Variants in FGF18 observed in about 807,000 individuals in gnomAD.
FGF18 encodes the protein fibroblast growth factor 18.
FGF18 carries 5 observed loss-of-function variants against 23.0 expected under a neutral mutation model. The ratio of observed to expected loss-of-function variants is 0.22; its 90% CI spans 0.11 to 0.46. FGF18 has a LOEUF of 0.46. Among genes scored for constraint, FGF18 ranks in the 20% least tolerant of loss-of-function variants. The pLI is 0.99. For missense variants in FGF18, 180 were observed against 291.6 expected (o/e 0.62, Z 2.79); for synonymous variants, 117 against 118.9 (o/e 0.98, Z 0.10).
intron 1 of FGF18, 24 bp from the exon 2 acceptor site, chr5:171,420,383 C>T (rs778042764): frequency 6.2e-7 from 1 of 1,613,242 alleles, no homozygotes; most frequent in Non-Finnish European, 8.5e-7. Flanking sequence ...TCCCACTGAC[C>T]GCTTCTCCAT....
At chr5:171,446,223 G>A (rs1049243544) in intron 3 of FGF18, among the ~76,000 whole-genome samples, 1 of 152,178 alleles carries the variant, frequency 6.6e-6, no homozygotes, top group Non-Finnish European at 1.5e-5. Context: ...ATGCTGGGGT[G>A]GGGGTGGCTA....
intron 3 of FGF18, among the ~76,000 whole-genome samples, chr5:171,442,341 T>C (rs1237327836): frequency 2.0e-5 from 3 of 152,016 alleles, no homozygotes; most frequent in African/African-American, 7.3e-5. Context: ...CACCTCTCTC[T>C]CCCCCTCTCA....
In FGF18 at chr5:171,443,501, A is replaced by AT. The variant is rs59576538; in HGVS notation, c.251-5615dup. On this transcript the variant is annotated intron_variant, in intron 3 of 4. Transcript: ENST00000274625. ...CAGATAAGTATTCACTGTTATCATC[A>AT]TTTTTTTTTTTTTTTTTTTTTTTTT... Among the ~76,000 whole-genome samples, 57 of 63,772 alleles carry AT rather than the reference A, an allele frequency of 8.9e-4. 5 individuals are homozygous for AT. Among genetic ancestry groups the AT allele is most frequent in the African/African-American group, 3.4e-3 (55 of 16,024 alleles). 41.8% of individuals were successfully genotyped at this position (63,772 alleles called of 152,430 possible).
At chr5:171,447,584 C>T (rs889053748) in intron 3 of FGF18, among the ~76,000 whole-genome samples, 1 of 151,940 alleles carries the variant, frequency 6.6e-6, no homozygotes, top group East Asian at 1.9e-4. Context: ...TCTTTTTTTC[C>T]CTCTTGGAAA....
chr5:171,433,944 A>G (rs1386106340), intron 2 of FGF18, among the ~76,000 whole-genome samples: 1 of 152,210 alleles, frequency 6.6e-6, no homozygotes, highest in African/African-American at 2.4e-5. Context: ...ATATTGCTTT[A>G]TATGTTTAAC....
intron 4 of FGF18, among the ~76,000 whole-genome samples, chr5:171,455,864 G>A (rs1239432685): frequency 6.6e-6 from 1 of 152,174 alleles, no homozygotes; most frequent in East Asian, 1.9e-4. Flanking sequence ...TGGGCTATCT[G>A]GGTGGAGAGT....
chr5:171,425,687 T>A (rs932327514), intron 2 of FGF18, among the ~76,000 whole-genome samples: 2 of 152,060 alleles, frequency 1.3e-5, no homozygotes, highest in Non-Finnish European at 2.9e-5. Flanking sequence ...CGAGCCACCA[T>A]GCCCGGCTAA....
intron 2 of FGF18, among the ~76,000 whole-genome samples, chr5:171,427,958 C>T (rs1210791461): frequency 6.6e-6 from 1 of 152,170 alleles, no homozygotes; most frequent in South Asian, 2.1e-4. Context: ...CTCTCTGTGG[C>T]TTATCATTCC....
chr5:171,433,297 G>T (rs955389499), intron 2 of FGF18, among the ~76,000 whole-genome samples: 1 of 152,226 alleles, frequency 6.6e-6, no homozygotes, highest in Non-Finnish European at 1.5e-5. Context: ...TTAATGGGAG[G>T]CCGGCTTCTG....
intron 2 of FGF18, among the ~76,000 whole-genome samples, chr5:171,422,231 C>T (rs1772021059): frequency 6.6e-6 from 1 of 152,034 alleles, no homozygotes; most frequent in African/African-American, 2.4e-5. Flanking sequence ...CCTCCACCTC[C>T]TGGCCAGAGC....
chr5:171,453,137 G>A (rs1047722192), intron 4 of FGF18, among the ~76,000 whole-genome samples: 1 of 152,196 alleles, frequency 6.6e-6, no homozygotes, highest in African/African-American at 2.4e-5. Context: ...GTTTCCGGGG[G>A]TCGGGCCCAA....
chr5:171,449,245 G>C lies in FGF18; in HGVS notation c.349G>C (p.Val117Leu). The change falls in exon 4 of 5, where the codon GTG becomes CTG. Residue 117 changes from valine to leucine, a missense_variant. Coordinates refer to ENST00000274625, the MANE Select transcript of FGF18 (RefSeq NM_003862.3). Reference protein sequence around the residue: ...YLCMNRKGKLVGKPDGTSKEC... With the variant: ...YLCMNRKGKLLGKPDGTSKEC... ...GTGCATGAACCGCAAAGGCAAGCTCGTGGGGAAGGTGAGTGATGGTTTGGG... is the reference window on the plus strand; with the variant it reads ...GTGCATGAACCGCAAAGGCAAGCTCCTGGGGAAGGTGAGTGATGGTTTGGG... The C allele has an allele frequency of 6.2e-7, 1 of 1,613,112 alleles. No homozygotes were observed. Among genetic ancestry groups the C allele is most frequent in the Non-Finnish European group, 8.5e-7 (1 of 1,179,082 alleles).
intron 2 of FGF18, among the ~76,000 whole-genome samples, chr5:171,433,905 T>C (rs1394426532): frequency 6.6e-6 from 1 of 152,240 alleles, no homozygotes; most frequent in Non-Finnish European, 1.5e-5. Context: ...TTACCCCTAC[T>C]GAGCCAGGCA....
intron 2 of FGF18, among the ~76,000 whole-genome samples, chr5:171,421,876 A>T (rs1311235978): frequency 1.4e-5 from 1 of 71,842 alleles, no homozygotes; most frequent in Admixed American, 2.1e-4. Flanking sequence ...CTGTGTGGTG[A>T]TGGGGGTGGG....
chr5:171,420,554 G>A, intron 2 of FGF18, 111 bp downstream of exon 2: 1 of 1,054,226 alleles, frequency 9.5e-7, no homozygotes, highest in Non-Finnish European at 1.4e-6. Context: ...TGGGCGCTGA[G>A]CCCAGTGCAC....
At chr5:171,447,451 G>A (rs557185880) in intron 3 of FGF18, among the ~76,000 whole-genome samples, 6 of 152,364 alleles carry the variant, frequency 3.9e-5, no homozygotes, top group Non-Finnish European at 7.3e-5. Context: ...CCATCTCAGC[G>A]TTGGTTAATA....
chr5:171,441,275 G>T (rs1447805983), intron 3 of FGF18, among the ~76,000 whole-genome samples: 1 of 152,190 alleles, frequency 6.6e-6, no homozygotes, highest in Non-Finnish European at 1.5e-5. Flanking sequence ...CCCAAAATGT[G>T]AGCATGTTCC....
chr5:171,456,083 G>T lies in FGF18; in HGVS notation c.358-456G>T, dbSNP rs147701998. ...TCCTCCTAACAAAGAGTCTTCACTC[G>T]GCCAAACTAGAGTCAGGCTCCTGAA... On this transcript the variant is annotated intron_variant, in intron 4 of 4. Transcript: ENST00000274625. The surrounding 1 kb of genome is among the most constrained non-coding windows in gnomAD (Gnocchi z 6.1). Among the ~76,000 whole-genome samples, 243 of 152,132 alleles carry T rather than the reference G, an allele frequency of 1.6e-3. No homozygotes were observed. The highest frequency in any genetic ancestry group is 5.6e-3 in the African/African-American group (231 of 41,474).
chr5:171,433,498 G>A (rs1772208419), intron 2 of FGF18, among the ~76,000 whole-genome samples: 1 of 152,184 alleles, frequency 6.6e-6, no homozygotes, highest in Admixed American at 6.5e-5. Flanking sequence ...TGGGTGGGGA[G>A]TCTTCCGGAC....
Sources: allele counts gnomAD v4.1 joint callset (sites outside exome capture counted in the v4.1 genomes callset), GRCh38; gene constraint gnomAD v4.1.1; non-coding constraint Gnocchi (gnomAD v3.1); transcripts MANE v1.5; gene names NCBI Gene and HGNC (gene_info 2026-07-23, HGNC 2026-07-21).